EIF2B4: variants seen among roughly 807,000 people sequenced by gnomAD.
EIF2B4 encodes the protein translation initiation factor eIF2B subunit delta.
A neutral mutation model predicts 66.7 loss-of-function variants in EIF2B4; 34 were observed. The ratio of observed to expected loss-of-function variants is 0.51; its 90% CI spans 0.39 to 0.68. EIF2B4 has a LOEUF of 0.68. EIF2B4 is among the 30% of genes least tolerant of loss of function. The probability of loss-of-function intolerance (pLI) is 0.00; values close to 1 mark genes in which losing one functional copy is unlikely to be tolerated. For synonymous variants in EIF2B4, 278 were observed against 253.6 expected (o/e 1.10, Z -0.92); for missense variants, 618 against 657.9 (o/e 0.94, Z 0.66).
At chr2:27,367,899 T>A in intron 7 of EIF2B4, 77 bp from the exon 8 acceptor site, 1 of 1,526,210 alleles carries the variant, frequency 6.6e-7, no homozygotes, top group Non-Finnish European at 9.1e-7. Flanking sequence ...TAAGCTTCAC[T>A]GAGGAAAATG....
chr2:27,365,004 A>C, intron 11 of EIF2B4, 106 bp from the exon 12 acceptor site: 3 of 1,111,516 alleles, frequency 2.7e-6, no homozygotes, highest in Non-Finnish European at 4.0e-6. Flanking sequence ...ATAAATCTCA[A>C]CACCTGTGAA....
chr2:27,368,322 T>G (rs374915492), intron 6 of EIF2B4, 50 bp downstream of exon 6: 119 of 1,526,024 alleles, frequency 7.8e-5, no homozygotes, highest in Non-Finnish European at 1.1e-4. Flanking sequence ...AATACTGACT[T>G]ACTAAAACTC....
chr2:27,365,055 CTTT>C (rs35891906), intron 11 of EIF2B4, 157 bp from the exon 12 acceptor site: 211 of 605,878 alleles, frequency 3.5e-4, no homozygotes, highest in Admixed American at 4.3e-4. Flanking sequence ...AGTAATAAAT[CTTT>C]TTTTTTTTTT....
chr2:27,370,184 G>A, intron 1 of EIF2B4, 100 bp downstream of exon 1: 3 of 1,543,978 alleles, frequency 1.9e-6, no homozygotes, highest in Non-Finnish European at 2.6e-6. Flanking sequence ...CGTGGCGCTG[G>A]AACGGAGCGG....
rs113994027 is a variant in EIF2B4, at chr2:27,368,047, G to A, written c.683C>T (p.Ala228Val). The A allele has an allele frequency of 1.3e-6, 2 of 1,593,036 alleles. No individual in the cohort carries two copies. The highest frequency in any genetic ancestry group is 2.3e-5 in the East Asian group (1 of 43,998). The change falls in exon 7 of 13, where the codon GCC (alanine) becomes GTC (valine). Residue 228 changes from alanine (A) to valine (V), a missense_variant. Coordinates refer to ENST00000347454, the MANE Select transcript of EIF2B4 (RefSeq NM_001034116.2). ...TACCTGCTGCAAGGCACGAAGCAGG[G>A]CAATACACCGGGCATTGGAGCCACT... is the stretch of plus-strand genomic sequence containing the variant. ...LVSGSNARCI[A>V]LLRALQQVIQ...
At chr2:27,370,229 T>C (rs1558296900) in intron 1 of EIF2B4, 55 bp downstream of exon 1, 3 of 1,541,996 alleles carry the variant, frequency 1.9e-6, no homozygotes, top group East Asian at 2.4e-5. Context: ...CGGCACTAGC[T>C]GTCCGGAGCT....
At position 27,369,003 on chromosome 2, in the gene EIF2B4, T is replaced by C; in HGVS notation, c.418+3A>G. ...GGGAGGTCTTAAAATGAAGGGAAGA[T>C]ACCTGAGGGGGTTTCTCCAGCTGTG... is the stretch of plus-strand genomic sequence containing the variant. On this transcript the variant is annotated splice_donor_region_variant and intron_variant, in intron 4 of 12. Coordinates refer to ENST00000347454, the MANE Select transcript of EIF2B4 (RefSeq NM_001034116.2). The C allele has an allele frequency of 6.2e-7, 1 of 1,614,020 alleles. No individual in the cohort carries two copies. Among genetic ancestry groups the C allele is most frequent in the Non-Finnish European group, 8.5e-7 (1 of 1,179,962 alleles).
At chr2:27,369,616 G>A (rs919458391) in intron 2 of EIF2B4, 67 bp from the exon 3 acceptor site, 7 of 1,609,178 alleles carry the variant, frequency 4.4e-6, no homozygotes, top group Admixed American at 1.7e-5. Context: ...ACTATTGGAT[G>A]CTTACAAGAT....
Position 27,366,826 on chromosome 2 carries a change from G to C in EIF2B4, c.1124C>G (p.Ser375Cys). 2 of 1,614,226 alleles carry C rather than the reference G, an allele frequency of 1.2e-6. No homozygotes were observed. The highest frequency in any genetic ancestry group is 8.5e-7 in the Non-Finnish European group (1 of 1,180,034). ...PWLEGRHTLR[S>C]LVHAGVPASY... ...GGCTGGGACACCAGCATGGACTAGA[G>C]AACGTAGTGTGTGCCTTCCTTCCAG... The change falls in exon 11 of 13, where the codon TCT (serine) becomes TGT (cysteine). Residue 375 changes from serine (S) to cysteine (C), a missense_variant. By Grantham distance (112) the Ser-to-Cys change is moderately radical. Transcript: ENST00000347454.
intron 9 of EIF2B4, 116 bp downstream of exon 9, chr2:27,367,341 T>C: frequency 6.3e-7 from 1 of 1,575,384 alleles, no homozygotes; most frequent in South Asian, 1.1e-5. Flanking sequence ...GCCAAACCAT[T>C]CCTTAACCCT....
At chr2:27,367,856 C>A (rs1348399799) in intron 7 of EIF2B4, 34 bp from the exon 8 acceptor site, 11 of 1,597,106 alleles carry the variant, frequency 6.9e-6, no homozygotes, top group Non-Finnish European at 9.4e-6. Flanking sequence ...GCAAAATACC[C>A]CTTAATAAAG....
chr2:27,364,824 CTG>C lies in EIF2B4; in HGVS notation c.1264_1265del (p.Gln422ValfsTer9). 1 of 1,614,188 alleles carries C rather than the reference CTG, an allele frequency of 6.2e-7. No individual in the cohort carries two copies. Among genetic ancestry groups the C allele is most frequent in the Non-Finnish European group, 8.5e-7 (1 of 1,180,044 alleles). ...TATGGGCTCGAGCCACCAGGGCTAA[CTG>C]TGCTGTCCCTACCCGTGACATCACA... ...GSVMSRVGTAQLALVARAHNV... is the reference protein window; with the variant it reads ...GSVMSRVGTAXLALVARAHNV... On this transcript the variant is annotated frameshift_variant, in exon 12 of 13. Transcript: ENST00000347454. LOFTEE classifies it high-confidence loss of function.
intron 2 of EIF2B4, 146 bp downstream of exon 2, chr2:27,369,730 T>C (rs948007803): frequency 3.5e-6 from 5 of 1,443,518 alleles, no homozygotes; most frequent in African/African-American, 2.8e-5. Flanking sequence ...CAGAATCATA[T>C]ATCCCTAGGG....
chr2:27,366,059 TTCAA>T, intron 11 of EIF2B4: 1 of 143,604 alleles, frequency 7.0e-6, no homozygotes. Flanking sequence ...TGTGTGTGTG[TTCAA>T]GCAGTCCTCT....
rs768275134 is a variant in EIF2B4, at chr2:27,364,393, T to C, written c.*7A>G. 6.2e-7 allele frequency: 1 copy of C among 1,613,758 alleles called. No individual in the cohort carries two copies. The highest frequency in any genetic ancestry group is 8.5e-7 in the Non-Finnish European group (1 of 1,179,940). ...GTATGGCATTTATTAACCCTGTGTT[T>C]CCCCCGTCACTGGTCACTGCTCTTG... On this transcript the variant is annotated 3_prime_UTR_variant, in exon 13 of 13. Coordinates refer to ENST00000347454, the MANE Select transcript of EIF2B4 (RefSeq NM_001034116.2).
intron 1 of EIF2B4, 87 bp downstream of exon 1, chr2:27,370,197 G>C: frequency 6.5e-7 from 1 of 1,532,994 alleles, no homozygotes; most frequent in Non-Finnish European, 8.8e-7. Flanking sequence ...CGGAGCGGCG[G>C]GGCCCAAAGG....
chr2:27,365,547 T>G (rs1321671622), intron 11 of EIF2B4: 1 of 154,330 alleles, frequency 6.5e-6, no homozygotes, highest in Non-Finnish European at 1.4e-5. Context: ...CGGCTAATTT[T>G]TTGTATTTTT....
chr2:27,368,727 T>G lies in EIF2B4; in HGVS notation c.425A>C (p.Lys142Thr). 2.5e-6 allele frequency: 4 copies of G among 1,614,150 alleles called. No homozygotes were observed. Among genetic ancestry groups the G allele is most frequent in the South Asian group, 2.2e-5 (2 of 91,082 alleles). The change falls in exon 5 of 13, where the codon AAG becomes ACG. Residue 142 changes from lysine (K) to threonine (T), a missense_variant. By Grantham distance (78) the Lys-to-Thr change is moderately conservative. This residue lies in a region of EIF2B4 where 506 missense variants were observed against 511.9 expected (regional missense o/e 0.99). Coordinates refer to ENST00000347454, the MANE Select transcript of EIF2B4 (RefSeq NM_001034116.2). ...AACCTGAGGGTACTCAGGGAGACGC[T>G]TCACTCCTGAAAGATAATCATCATG... ...STAGETPSGVKRLPEYPQVDD... is the reference protein window; with the variant it reads ...STAGETPSGVTRLPEYPQVDD...
intron 11 of EIF2B4, 39 bp from the exon 12 acceptor site, chr2:27,364,937 T>C (rs1681735931): frequency 6.2e-7 from 1 of 1,601,870 alleles, no homozygotes. Flanking sequence ...AATGTCATTG[T>C]TGTATCAATG....
Sources: allele counts gnomAD v4.1 joint callset, GRCh38; gene constraint gnomAD v4.1.1; regional missense constraint gnomAD v4.1.1; transcripts MANE v1.5; gene names NCBI Gene and HGNC (gene_info 2026-07-23, HGNC 2026-07-21).